The following SIK3 variants were observed in gnomAD, a reference collection of about 807,000 sequenced individuals.
SIK3 encodes serine/threonine-protein kinase SIK3.
SIK3 carries 28 observed loss-of-function variants against 144.2 expected under a neutral mutation model. That is an observed-to-expected ratio of 0.19 (90% confidence interval 0.14 to 0.27). SIK3 has a LOEUF of 0.27. SIK3 is among the 10% of genes least tolerant of loss of function. The pLI, the probability that SIK3 is intolerant of heterozygous loss-of-function variation, is 1.00. For missense variants in SIK3, 1,319 were observed against 1,776.0 expected, an observed-to-expected ratio of 0.74 and a Z score of 4.62; for synonymous variants, 686 against 676.3, an observed-to-expected ratio of 1.01 and a Z score of -0.22.
intron 1 of SIK3, among the ~76,000 whole-genome samples, chr11:116,978,211 C>T (rs1950020708): frequency 6.9e-6 from 1 of 145,554 alleles, no homozygotes; most frequent in Non-Finnish European, 1.5e-5. Flanking sequence ...GAGACTCCGT[C>T]TCAAAAAAAA....
intron 1 of SIK3, among the ~76,000 whole-genome samples, chr11:117,014,458 GA>G (rs952771873): frequency 4.6e-5 from 7 of 151,180 alleles, no homozygotes; most frequent in African/African-American, 1.7e-4. Context: ...TAATCATACA[GA>G]AAAAAAGATT....
intron 1 of SIK3, among the ~76,000 whole-genome samples, chr11:117,044,747 T>C (rs1952885984): frequency 6.6e-6 from 1 of 152,102 alleles, no homozygotes; most frequent in African/African-American, 2.4e-5. Flanking sequence ...TAGCCAGAAG[T>C]GGTGGTATAC....
intron 2 of SIK3, 53 bp downstream of exon 2, chr11:116,956,895 C>T: frequency 9.1e-7 from 1 of 1,102,330 alleles, no homozygotes; most frequent in Non-Finnish European, 1.3e-6. Flanking sequence ...GGGAGCCATA[C>T]ATACAATATT....
intron 1 of SIK3, among the ~76,000 whole-genome samples, chr11:117,096,727 C>T (rs1955490985): frequency 6.6e-6 from 1 of 152,076 alleles, no homozygotes; most frequent in African/African-American, 2.4e-5. Context: ...AAGAAGGGCC[C>T]CTTGTAGCCT....
intron 1 of SIK3, among the ~76,000 whole-genome samples, chr11:116,966,749 T>C (rs906739737): frequency 5.9e-5 from 9 of 151,876 alleles, no homozygotes; most frequent in Non-Finnish European, 1.3e-4. Context: ...AAATGAAATT[T>C]TGCACTTTGG....
chr11:116,917,827 G>GGAAAGGAAAGGAAAGGA (rs1946737916), intron 4 of SIK3, among the ~76,000 whole-genome samples: 1 of 104,952 alleles, frequency 9.5e-6, no homozygotes, highest in African/African-American at 4.4e-5. Flanking sequence ...GAAGAAGAAG[G>GGAAAGGAAAGGAAAGGA]AAGGAAAGGA....
rs531698297 is a variant in SIK3, at chr11:117,024,901, T to TA, written c.274-67838dup. On this transcript the variant is annotated intron_variant, in intron 1 of 24. Coordinates refer to ENST00000445177, the MANE Select transcript of SIK3 (RefSeq NM_001366686.3). The stretch of plus-strand genomic sequence containing the variant: ...TGAGTGACAGAGTGAGACCCTACCT[T>TA]AAAAAAAAAAAAATCATCTAATGCA... Among the ~76,000 whole-genome samples the TA allele has an allele frequency of 9.5e-4, 138 of 144,724 alleles. 1 individual carries two copies. Among genetic ancestry groups the TA allele is most frequent in the South Asian group, 9.2e-3 (42 of 4,582 alleles). The allele number at this position is 144,724 out of a possible 152,430, so 94.9% of individuals were successfully genotyped here.
chr11:116,974,381 G>C (rs1334832252), intron 1 of SIK3, among the ~76,000 whole-genome samples: 1 of 152,104 alleles, frequency 6.6e-6, no homozygotes, highest in Non-Finnish European at 1.5e-5. Flanking sequence ...AATCAAAATG[G>C]TTTCCATATA....
At chr11:117,080,594 T>A (rs183676799) in intron 1 of SIK3, among the ~76,000 whole-genome samples, 2 of 152,160 alleles carry the variant, frequency 1.3e-5, no homozygotes, top group Admixed American at 6.5e-5. Flanking sequence ...AAAAAACCAC[T>A]AGCACAAGTG....
At chr11:117,023,613 A>C (rs140071231) in intron 1 of SIK3, among the ~76,000 whole-genome samples, 4,181 of 85,558 alleles carry the variant, frequency 0.049, 277 homozygotes, top group African/African-American at 0.23. Flanking sequence ...AACAAACAAA[A>C]AAAAAAAAAT....
intron 15 of SIK3, among the ~76,000 whole-genome samples, chr11:116,865,385 A>G (rs916373978): frequency 1.3e-5 from 2 of 152,192 alleles, no homozygotes; most frequent in Admixed American, 6.5e-5. Context: ...TACCCAGGTC[A>G]GTCCAGCACA....
chr11:117,091,273 C>T (rs927952749), intron 1 of SIK3, among the ~76,000 whole-genome samples: 26 of 135,828 alleles, frequency 1.9e-4, no homozygotes, highest in African/African-American at 6.2e-4. Flanking sequence ...GGCACGATCT[C>T]GGCTCACTGC....
At chr11:117,037,180 A>G (rs1386242499) in intron 1 of SIK3, among the ~76,000 whole-genome samples, 2 of 152,118 alleles carry the variant, frequency 1.3e-5, no homozygotes, top group Non-Finnish European at 2.9e-5. Flanking sequence ...CAAAAAAGGG[A>G]AAAACTGCTT....
At chr11:116,898,563 A>G (rs1288938424) in intron 4 of SIK3, among the ~76,000 whole-genome samples, 1 of 152,124 alleles carries the variant, frequency 6.6e-6, no homozygotes, top group Non-Finnish European at 1.5e-5. Flanking sequence ...GACTTCCACA[A>G]TGGTGGAACT....
At chr11:116,982,313 G>C (rs1445086833) in intron 1 of SIK3, among the ~76,000 whole-genome samples, 3 of 150,198 alleles carry the variant, frequency 2.0e-5, no homozygotes, top group Non-Finnish European at 4.4e-5. Context: ...TTTTCAGACG[G>C]AGTCTCACTC....
At chr11:117,016,322 C>T (rs1179250735) in intron 1 of SIK3, among the ~76,000 whole-genome samples, 4 of 96,140 alleles carry the variant, frequency 4.2e-5, no homozygotes, top group South Asian at 3.8e-4. Context: ...AGAGACTCTG[C>T]GAAAAAAAAA....
intron 1 of SIK3, among the ~76,000 whole-genome samples, chr11:117,079,684 A>G (rs1216251340): frequency 6.6e-6 from 1 of 152,100 alleles, no homozygotes; most frequent in African/African-American, 2.4e-5. Flanking sequence ...AAAGTAGTTG[A>G]AAAAAATGGG....
At chr11:117,081,578 G>A (rs1380036102) in intron 1 of SIK3, among the ~76,000 whole-genome samples, 1 of 152,080 alleles carries the variant, frequency 6.6e-6, no homozygotes, top group Admixed American at 6.6e-5. Context: ...GAGCCGAGAT[G>A]GCGCCACTGC....
chr11:116,875,413 G>A lies in SIK3; in HGVS notation c.1278C>T (p.Pro426=). ...TCTCTGGGTTGATCAGCTGCACCTG[G>A]GGAACGCTGATGTTCATAGCAGTAC... The part of the protein sequence containing the change: ...QAGTAMNISV[P]QVQLINPENQ... The change falls in exon 10 of 25, where the codon CCC becomes CCT. Residue 426 remains proline, a synonymous_variant. Transcript: ENST00000445177. The A allele has an allele frequency of 6.2e-7, 1 of 1,614,170 alleles. No homozygotes were observed. The highest frequency in any genetic ancestry group is 8.5e-7 in the Non-Finnish European group (1 of 1,180,024).
Sources: gnomAD v4.1 joint callset for allele counts (sites outside exome capture counted in the v4.1 genomes callset) on GRCh38, gnomAD v4.1.1 for gene constraint, MANE v1.5 for transcripts, NCBI Gene and HGNC (gene_info 2026-07-23, HGNC 2026-07-21) for gene names.